Variants in WDFY4 observed in about 807,000 individuals in gnomAD.
WDFY4 encodes the protein WDFY family member 4.
A neutral mutation model predicts 351.9 loss-of-function variants in WDFY4; 169 were observed. That is an observed-to-expected ratio of 0.48 (90% CI 0.42 to 0.55). WDFY4 has a LOEUF of 0.55. Ranked by LOEUF, WDFY4 falls within the 20% of genes least tolerant of loss-of-function variation. WDFY4 has a pLI of 0.00. For synonymous variants in WDFY4, 1,622 were observed against 1,574.6 expected (o/e 1.03, Z -0.71); for missense variants, 3,803 against 3,935.6 (o/e 0.97, Z 0.90).
chr10:48,750,861 C>T (rs779136119), intron 12 of WDFY4, among the ~76,000 whole-genome samples: 2 of 152,214 alleles, frequency 1.3e-5, no homozygotes, highest in Middle Eastern at 3.2e-3. Context: ...TGGTGAGGCC[C>T]ATGTGAGCAT....
At chr10:48,774,324 T>G in intron 13 of WDFY4, 134 bp from the exon 14 acceptor site, 2 of 881,570 alleles carry the variant, frequency 2.3e-6, no homozygotes, top group Non-Finnish European at 1.8e-6. Flanking sequence ...CAGGCGTGGG[T>G]GTAGTGGGGA....
intron 43 of WDFY4, among the ~76,000 whole-genome samples, chr10:48,878,805 C>T (rs1432499024): frequency 6.6e-6 from 1 of 152,242 alleles, no homozygotes; most frequent in African/African-American, 2.4e-5. Flanking sequence ...TTCACCTGTC[C>T]ACCTCTGTCA....
chr10:48,969,106 C>T lies in WDFY4; in HGVS notation c.8627C>T (p.Ala2876Val), dbSNP rs551688767. 2 of 1,551,666 alleles carry T rather than the reference C, an allele frequency of 1.3e-6. No individual in the cohort carries two copies. Among genetic ancestry groups the T allele is most frequent in the Admixed American group, 3.9e-5 (2 of 50,984 alleles). ...CTAGGCTCAGAGTCCCCCAAAGGGG[C>T]CATTGGCCACATTGTCTCTACTGAG... is the stretch of plus-strand genomic sequence containing the variant. ...FSLGSESPKG[A>V]IGHIVSTEKT... is the part of the protein sequence containing the mutation. Residue 2876 changes from alanine to valine, a missense_variant, in exon 56 of 62, where the codon GCC (alanine) becomes GTC (valine). By Grantham distance (64) the Ala-to-Val change is moderately conservative (BLOSUM62 0). Around this residue, in one of 3 missense-constraint regions of WDFY4, gnomAD observed 3,054 missense variants for 3,148.6 expected, o/e 0.97. Transcript: ENST00000325239.
intron 40 of WDFY4, among the ~76,000 whole-genome samples, chr10:48,872,345 T>C (rs1361823621): frequency 6.6e-6 from 1 of 152,220 alleles, no homozygotes; most frequent in Non-Finnish European, 1.5e-5. Flanking sequence ...CAGACCAGGT[T>C]TAAATCTCTG....
intron 47 of WDFY4, among the ~76,000 whole-genome samples, chr10:48,904,483 G>A (rs1225695574): frequency 6.6e-6 from 1 of 152,134 alleles, no homozygotes; most frequent in African/African-American, 2.4e-5. Flanking sequence ...CTACCTGAAG[G>A]TCAAAAATGG....
rs912366367 is a variant in WDFY4, at chr10:48,767,283, G to A, written c.2553+6843G>A. Among the ~76,000 whole-genome samples, 3 of 152,172 alleles carry A rather than the reference G, an allele frequency of 2.0e-5. 1 individual carries two copies. The highest frequency in any genetic ancestry group is 1.3e-4 in the Admixed American group (2 of 15,280). On this transcript the variant is annotated intron_variant, in intron 13 of 61. Transcript: ENST00000325239. Reference sequence around the variant, plus strand: ...AGAGAGCATAGTTGTAAAGTCCTTAGTACAGTTCCTGCCCTGTGTATGGGT... The same window carrying A: ...AGAGAGCATAGTTGTAAAGTCCTTAATACAGTTCCTGCCCTGTGTATGGGT...
chr10:48,782,941 C>T (rs995643590), intron 19 of WDFY4, among the ~76,000 whole-genome samples: 2 of 152,008 alleles, frequency 1.3e-5, no homozygotes, highest in African/African-American at 4.8e-5. Flanking sequence ...AGTGGTGCTT[C>T]AGTGTGGGAG....
rs138239080 is a variant in WDFY4 at position 48,751,289 on chromosome 10, T to C, written c.2459+7741T>C. Reference sequence around the variant, plus strand: ...GAGAGTTATCTGGTCTGAGATGGGTTGAGGAGGCATAAAGGTGAGACTCAA... The same window carrying C: ...GAGAGTTATCTGGTCTGAGATGGGTCGAGGAGGCATAAAGGTGAGACTCAA... On this transcript the variant is annotated intron_variant, in intron 12 of 61. Transcript: ENST00000325239. Among the ~76,000 whole-genome samples the C allele has an allele frequency of 9.8e-5, 15 of 152,314 alleles. 1 individual carries two copies. In the East Asian group the frequency reaches 2.9e-3, roughly 29 times the overall value.
chr10:48,761,528 C>T (rs561793618), intron 13 of WDFY4, among the ~76,000 whole-genome samples: 2 of 152,272 alleles, frequency 1.3e-5, no homozygotes, highest in African/African-American at 2.4e-5. Context: ...GGCAGAATCA[C>T]AGGCTTTCAG....
At chr10:48,899,832 T>C (rs1311824885) in intron 45 of WDFY4, among the ~76,000 whole-genome samples, 1 of 152,188 alleles carries the variant, frequency 6.6e-6, no homozygotes. Flanking sequence ...GCTGCCCAGC[T>C]GCACGCACTG....
chr10:48,777,682 C>G (rs1252907891), intron 17 of WDFY4, among the ~76,000 whole-genome samples, 187 bp downstream of exon 17: 1 of 152,152 alleles, frequency 6.6e-6, no homozygotes, highest in East Asian at 1.9e-4. Flanking sequence ...GCCAGGAGTT[C>G]CAGGCTGCAG....
chr10:48,699,571 C>A (rs936999869), intron 1 of WDFY4, among the ~76,000 whole-genome samples: 1 of 152,164 alleles, frequency 6.6e-6, no homozygotes, highest in Non-Finnish European at 1.5e-5. Context: ...GAGTTGCAGG[C>A]TCCTGCTCCC....
chr10:48,760,273 T>C (rs750154170), intron 12 of WDFY4, 74 bp from the exon 13 acceptor site: 59 of 1,332,998 alleles, frequency 4.4e-5, no homozygotes, highest in Non-Finnish European at 6.2e-5. Context: ...GAAAGAAAGA[T>C]CCAGGAAGCT....
chr10:48,785,661 T>C (rs182318243), intron 19 of WDFY4, among the ~76,000 whole-genome samples: 20 of 152,352 alleles, frequency 1.3e-4, no homozygotes, highest in Middle Eastern at 3.4e-3. Context: ...ATAAGCTTAT[T>C]TCTGGGTTCT....
chr10:48,700,209 TC>T (rs1468313885), intron 1 of WDFY4, among the ~76,000 whole-genome samples: 5 of 152,158 alleles, frequency 3.3e-5, no homozygotes, highest in Admixed American at 1.3e-4. Context: ...ATCAGCTCTT[TC>T]CCCAAGGGCC....
chr10:48,880,851 C>A (rs2070216869), intron 43 of WDFY4, among the ~76,000 whole-genome samples: 1 of 152,078 alleles, frequency 6.6e-6, no homozygotes, highest in Admixed American at 6.5e-5. Flanking sequence ...AACCACCAGG[C>A]ACGCCTGCTT....
chr10:48,885,935 A>G lies in WDFY4; in HGVS notation c.7168-4644A>G, dbSNP rs997378084. ...TTTGATACTTGACTTTTTCTCAGCA[A>G]TCTGTGCTTTTCTAAAAAATAAGAA... On this transcript the variant is annotated intron_variant, in intron 43 of 61. Coordinates refer to ENST00000325239, the MANE Select transcript of WDFY4 (RefSeq NM_001394531.1). 3.9e-5 allele frequency among the ~76,000 whole-genome samples: 6 copies of G among 152,256 alleles called. No individual in the cohort carries two copies. In the South Asian group the frequency reaches 1.2e-3, roughly 32 times the overall value.
chr10:48,689,079 T>C (rs1056685262), intron 1 of WDFY4, among the ~76,000 whole-genome samples: 6 of 151,308 alleles, frequency 4.0e-5, no homozygotes, highest in African/African-American at 1.5e-4. Context: ...GCAAGGCAGC[T>C]TGGCCAACTG....
At chr10:48,703,428 C>A (rs995452316) in intron 1 of WDFY4, among the ~76,000 whole-genome samples, 1 of 152,176 alleles carries the variant, frequency 6.6e-6, no homozygotes, top group Non-Finnish European at 1.5e-5. Flanking sequence ...AGTTTCTGCA[C>A]CTGGAGTTTA....
Sources: gnomAD v4.1 joint callset for allele counts (sites outside exome capture counted in the v4.1 genomes callset) on GRCh38, gnomAD v4.1.1 for gene constraint, gnomAD v4.1.1 regional missense constraint, MANE v1.5 for transcripts, NCBI Gene and HGNC (gene_info 2026-07-23, HGNC 2026-07-21) for gene names.